Variants in KCNQ5 observed in about 807,000 individuals in gnomAD.
The protein encoded by KCNQ5 is potassium voltage-gated channel subfamily KQT member 5.
A neutral mutation model predicts 98.2 loss-of-function variants in KCNQ5; 30 were observed. The observed-to-expected ratio is 0.31, with a 90% CI of 0.23 to 0.41. The LOEUF (loss-of-function observed/expected upper bound fraction) is 0.41, where lower values mean the gene tolerates loss of function less well. KCNQ5 is among the 10% of genes least tolerant of loss of function. KCNQ5 has a pLI of 1.00. For synonymous variants in KCNQ5, 458 were observed against 449.4 expected (o/e 1.02, Z -0.24); for missense variants, 835 against 1,182.5 (o/e 0.71, Z 4.31).
chr6:73,151,593 C>T (rs1442209114), intron 10 of KCNQ5, among the ~76,000 whole-genome samples: 2 of 152,148 alleles, frequency 1.3e-5, no homozygotes, highest in African/African-American at 2.4e-5. Context: ...TAATTCTTCC[C>T]ACATCTTCAA....
chr6:72,659,918 T>TAC (rs1222692547), intron 1 of KCNQ5, among the ~76,000 whole-genome samples: 1 of 152,208 alleles, frequency 6.6e-6, no homozygotes, highest in Non-Finnish European at 1.5e-5. Context: ...TCATGATATC[T>TAC]CTATAGCTGT....
At chr6:72,744,649 A>G (rs917688676) in intron 1 of KCNQ5, among the ~76,000 whole-genome samples, 1 of 151,996 alleles carries the variant, frequency 6.6e-6, no homozygotes. Flanking sequence ...TGTCTCTACT[A>G]AAAATACAAA....
intron 2 of KCNQ5, among the ~76,000 whole-genome samples, chr6:73,012,012 A>G (rs1295328523): frequency 6.6e-6 from 1 of 152,086 alleles, no homozygotes; most frequent in Non-Finnish European, 1.5e-5. Context: ...CTTGTTCACA[A>G]TTGGTGGGAC....
intron 1 of KCNQ5, among the ~76,000 whole-genome samples, chr6:72,666,643 C>G (rs1029319907): frequency 1.3e-5 from 2 of 152,172 alleles, no homozygotes; most frequent in East Asian, 3.9e-4. Context: ...AAAATTTACT[C>G]TAAAGTGATC....
In KCNQ5 at chr6:72,928,664, TACATAGATA is replaced by T. The variant is rs1255815321; in HGVS notation, c.399-75243_399-75235del. 3.7e-4 allele frequency among the ~76,000 whole-genome samples: 56 copies of T among 152,210 alleles called. No individual in the cohort carries two copies. In the Middle Eastern group the frequency reaches 0.01, roughly 28 times the overall value. ...AAAAACAAATCTCTAGCTAGCTAGC[TACATAGATA>T]GATAGAAGTAGACAGAGATATAGAT... On this transcript the variant is annotated intron_variant, in intron 1 of 13. Transcript: ENST00000370398.
chr6:73,048,661 AATT>A (rs1267090155), intron 3 of KCNQ5, among the ~76,000 whole-genome samples: 1 of 152,188 alleles, frequency 6.6e-6, no homozygotes, highest in Non-Finnish European at 1.5e-5. Context: ...GCAATATACA[AATT>A]ATTACCCATT....
intron 1 of KCNQ5, among the ~76,000 whole-genome samples, chr6:72,818,150 A>C (rs999719977): frequency 6.6e-6 from 1 of 152,172 alleles, no homozygotes; most frequent in Non-Finnish European, 1.5e-5. Context: ...AAGAATTTGA[A>C]AAAGTTGTGA....
rs767168914 is a variant in KCNQ5 at position 73,195,240 on chromosome 6, G to A, written c.2625G>A (p.Glu875=). The change falls in exon 14 of 14, where the codon GAG becomes GAA. Residue 875 remains glutamate, a synonymous_variant. Transcript: ENST00000370398. ...RESKLFITDE[E]VGPEETETDT... ...CCAAATTGTTTATAACTGATGAAGAGGTGGGTCCCGAAGAGACAGAGACAG... is the reference window on the plus strand; with the variant it reads ...CCAAATTGTTTATAACTGATGAAGAAGTGGGTCCCGAAGAGACAGAGACAG... 16 of 1,614,062 alleles carry A rather than the reference G, an allele frequency of 9.9e-6. No homozygotes were observed. The Admixed American group carries it at 2.7e-4, about 27-fold the overall frequency.
intron 1 of KCNQ5, among the ~76,000 whole-genome samples, chr6:72,970,509 G>A (rs891583949): frequency 6.6e-6 from 1 of 152,116 alleles, no homozygotes; most frequent in Admixed American, 6.5e-5. Flanking sequence ...TAGTACCAAA[G>A]CTAATTACCA....
intron 1 of KCNQ5, among the ~76,000 whole-genome samples, chr6:72,766,452 G>GA (rs1366567246): frequency 2.6e-5 from 4 of 151,868 alleles, no homozygotes; most frequent in African/African-American, 7.2e-5. Context: ...GCTACTGTGG[G>GA]AAAAAAAGAT....
chr6:72,871,042 A>G (rs1467158493), intron 1 of KCNQ5, among the ~76,000 whole-genome samples: 5 of 152,182 alleles, frequency 3.3e-5, no homozygotes, highest in African/African-American at 1.2e-4. Flanking sequence ...ACATAGGTCC[A>G]GGATTGGAGT....
intron 3 of KCNQ5, among the ~76,000 whole-genome samples, chr6:73,071,856 C>T (rs180935269): frequency 4.3e-4 from 65 of 152,250 alleles, no homozygotes; most frequent in African/African-American, 1.4e-3. Flanking sequence ...AATATCCAAA[C>T]TATAGCATAA....
At chr6:72,781,362 G>T (rs1444951921) in intron 1 of KCNQ5, among the ~76,000 whole-genome samples, 1 of 152,220 alleles carries the variant, frequency 6.6e-6, no homozygotes, top group African/African-American at 2.4e-5. Flanking sequence ...TTCCATAATT[G>T]TGAGAGAATA....
At chr6:73,154,637 G>A (rs1777282864) in intron 10 of KCNQ5, among the ~76,000 whole-genome samples, 1 of 151,708 alleles carries the variant, frequency 6.6e-6, no homozygotes, top group Non-Finnish European at 1.5e-5. Flanking sequence ...ATTTAAAGTG[G>A]GCTTACAGAT....
At chr6:73,062,479 C>CTAG (rs1339483288) in intron 3 of KCNQ5, among the ~76,000 whole-genome samples, 1 of 152,054 alleles carries the variant, frequency 6.6e-6, no homozygotes, top group Non-Finnish European at 1.5e-5. Context: ...AAACTGCAAG[C>CTAG]TAGTAAACAG....
At chr6:72,813,181 A>G (rs1166630572) in intron 1 of KCNQ5, among the ~76,000 whole-genome samples, 2 of 152,180 alleles carry the variant, frequency 1.3e-5, no homozygotes, top group African/African-American at 4.8e-5. Flanking sequence ...ACCTATGACT[A>G]AAGTGAACAG....
At chr6:72,807,111 A>G (rs1294200599) in intron 1 of KCNQ5, among the ~76,000 whole-genome samples, 1 of 152,034 alleles carries the variant, frequency 6.6e-6, no homozygotes, top group Non-Finnish European at 1.5e-5. Flanking sequence ...TGATGTCAGG[A>G]AGCCCTACAA....
chr6:72,811,768 C>T (rs1021021856), intron 1 of KCNQ5, among the ~76,000 whole-genome samples: 5 of 152,124 alleles, frequency 3.3e-5, no homozygotes, highest in Non-Finnish European at 5.9e-5. Flanking sequence ...AAAGAGGGTT[C>T]TTGAATCTCA....
chr6:72,720,745 G>C (rs116757550), intron 1 of KCNQ5, among the ~76,000 whole-genome samples: 1,763 of 152,232 alleles, frequency 0.012, 29 homozygotes, highest in African/African-American at 0.039. Flanking sequence ...CTTATTTTCA[G>C]TCTGAGAAAA....
Sources: gnomAD v4.1 joint callset for allele counts (sites outside exome capture counted in the v4.1 genomes callset) on GRCh38, gnomAD v4.1.1 for gene constraint, MANE v1.5 for transcripts, NCBI Gene and HGNC (gene_info 2026-07-23, HGNC 2026-07-21) for gene names.